Variants in SNX1 observed in about 807,000 individuals in gnomAD.
SNX1 encodes sorting nexin-1.
SNX1 carries 36 observed loss-of-function variants against 71.8 expected under a neutral mutation model. That is an observed-to-expected ratio of 0.50 (90% CI 0.38 to 0.66). The LOEUF (loss-of-function observed/expected upper bound fraction) is 0.66. SNX1 is among the 30% of genes least tolerant of loss of function. The probability of loss-of-function intolerance (pLI) is 0.00; values close to 1 mark genes in which losing one functional copy is unlikely to be tolerated. For missense variants in SNX1, 612 were observed against 646.7 expected (o/e 0.95, Z 0.58); for synonymous variants, 254 against 240.7 (o/e 1.06, Z -0.51).
At position 64,138,115 on chromosome 15, in the gene SNX1, C is replaced by G. The variant is rs2081379533; in HGVS notation, c.*497C>G. The G allele has an allele frequency of 6.5e-7, 1 of 1,535,672 alleles. No individual in the cohort carries two copies. Among genetic ancestry groups the G allele is most frequent in the South Asian group, 1.2e-5 (1 of 84,042 alleles). On this transcript the variant is annotated 3_prime_UTR_variant, in exon 15 of 15. Transcript: ENST00000559844. ...TTGCCCAGGTATAGTAAGTTTTTCT[C>G]TACCGTTCACAAGTTTTGTGCTGCT...
intron 2 of SNX1, among the ~76,000 whole-genome samples, chr15:64,113,835 AAGAAAGAG>A (rs997344825): frequency 1.2e-4 from 18 of 150,968 alleles, no homozygotes; most frequent in East Asian, 3.9e-4. Context: ...TAAAGAAAGA[AAGAAAGAG>A]AGAGAGAGAG....
chr15:64,127,117 AG>A, intron 6 of SNX1, 56 bp from the exon 7 acceptor site: 1 of 1,352,430 alleles, frequency 7.4e-7, no homozygotes, highest in Non-Finnish European at 1.0e-6. Context: ...AAAAAAAAAA[AG>A]ATTTATCCTC....
intron 11 of SNX1, among the ~76,000 whole-genome samples, chr15:64,132,178 T>G (rs1263323219): frequency 6.6e-6 from 1 of 152,214 alleles, no homozygotes; most frequent in Non-Finnish European, 1.5e-5. Flanking sequence ...GGCCAGACAG[T>G]GTCTTCTGTG....
At position 64,138,059 on chromosome 15, in the gene SNX1, A is replaced by C; in HGVS notation, c.*441A>C. The C allele has an allele frequency of 6.5e-7, 1 of 1,529,332 alleles. No individual in the cohort carries two copies. Among genetic ancestry groups the C allele is most frequent in the African/African-American group, 1.4e-5 (1 of 72,822 alleles). 94.7% of individuals were successfully genotyped at this position (1,529,332 alleles called of 1,614,324 possible). On this transcript the variant is annotated 3_prime_UTR_variant, in exon 15 of 15. Coordinates refer to ENST00000559844, the MANE Select transcript of SNX1 (RefSeq NM_003099.5). Reference sequence around the variant, plus strand: ...TTGCTTAGGCTGGGGAGCAGTTGGGAATCAGGTCTGGAATACTCCTAACCA... The same window carrying C: ...TTGCTTAGGCTGGGGAGCAGTTGGGCATCAGGTCTGGAATACTCCTAACCA...
chr15:64,131,349 A>G (rs1260720866), intron 10 of SNX1, among the ~76,000 whole-genome samples: 1 of 152,178 alleles, frequency 6.6e-6, no homozygotes, highest in Non-Finnish European at 1.5e-5. Flanking sequence ...ACCACTCATG[A>G]GCTTCAACAT....
chr15:64,112,794 G>A, intron 2 of SNX1, 110 bp downstream of exon 2: 1 of 622,666 alleles, frequency 1.6e-6, no homozygotes, highest in Non-Finnish European at 2.7e-6. Flanking sequence ...ATAACTTTAT[G>A]TAAAGTACTT....
chr15:64,130,368 C>A (rs1299935353), intron 10 of SNX1, 47 bp downstream of exon 10: 2 of 1,486,544 alleles, frequency 1.3e-6, no homozygotes, highest in East Asian at 2.3e-5. Context: ...ATTGTTGTCT[C>A]TAGTGAACTG....
chr15:64,142,365 T>G lies in SNX1; in HGVS notation c.*4747T>G. On this transcript the variant is annotated 3_prime_UTR_variant, in exon 15 of 15. Transcript: ENST00000559844. The stretch of plus-strand genomic sequence containing the variant: ...AGCTCTGGATGGGAAGGGAGGCCAG[T>G]TGCTTTAAGTAGGGGAGATAGAGTT... 1 of 223,934 alleles carries G rather than the reference T, an allele frequency of 4.5e-6. No individual in the cohort carries two copies. The highest frequency in any genetic ancestry group is 9.1e-6 in the Non-Finnish European group (1 of 110,380). The allele number at this position is 223,934 out of a possible 1,614,324, so 13.9% of individuals were successfully genotyped here.
chr15:64,105,956 G>A (rs964418866), intron 1 of SNX1, among the ~76,000 whole-genome samples: 1 of 152,024 alleles, frequency 6.6e-6, no homozygotes, highest in Admixed American at 6.6e-5. Context: ...CACATCCCCA[G>A]AATAATGTTT....
chr15:64,131,918 CCTT>C (rs772169903), intron 11 of SNX1, 26 bp downstream of exon 11: 1 of 1,607,352 alleles, frequency 6.2e-7, no homozygotes, highest in Non-Finnish European at 8.5e-7. Flanking sequence ...CTTTTCTCCT[CCTT>C]CCCTTGATTT....
At chr15:64,124,060 G>A (rs757759784) in intron 5 of SNX1, among the ~76,000 whole-genome samples, 1 of 150,228 alleles carries the variant, frequency 6.7e-6, no homozygotes, top group African/African-American at 2.5e-5. Context: ...ATCCACCTGC[G>A]TGTTTTTCCA....
chr15:64,113,806 G>A (rs1398621303), intron 2 of SNX1, among the ~76,000 whole-genome samples: 1 of 150,570 alleles, frequency 6.6e-6, no homozygotes, highest in Non-Finnish European at 1.5e-5. Flanking sequence ...GGGTGACAGA[G>A]CAAGACTCCA....
At chr15:64,115,695 C>G (rs974896947) in intron 2 of SNX1, 1 of 217,976 alleles carries the variant, frequency 4.6e-6, no homozygotes, top group Admixed American at 5.9e-5. Flanking sequence ...TTCTGAGTAG[C>G]TAGGACCACA....
Position 64,137,978 on chromosome 15 carries a change from G to A in SNX1, c.*360G>A, listed in dbSNP as rs780397247. ...TTACTCCTGATGGTGCCATGAAAAG[G>A]TTATGTAATAAAATATTTTAAAATC... On this transcript the variant is annotated 3_prime_UTR_variant, in exon 15 of 15. Transcript: ENST00000559844. 33 of 1,459,332 alleles carry A rather than the reference G, an allele frequency of 2.3e-5. No homozygotes were observed. Among genetic ancestry groups the A allele is most frequent in the Middle Eastern group, 1.9e-4 (1 of 5,172 alleles). The allele number at this position is 1,459,332 out of a possible 1,614,324, so 90.4% of individuals were successfully genotyped here.
In SNX1 at chr15:64,126,102, C is replaced by G; in HGVS notation, c.534C>G (p.Ser178Arg). ...TTQTSLPLFR[S>R]KQFAVKRRFS... ...AGACAAGCTTACCATTGTTCAGAAGCAAACAGTTTGCAGTAAAAAGAAGAT... is the reference window on the plus strand; with the variant it reads ...AGACAAGCTTACCATTGTTCAGAAGGAAACAGTTTGCAGTAAAAAGAAGAT... The change falls in exon 6 of 15, where the codon AGC becomes AGG. Residue 178 changes from serine to arginine, a missense_variant. Around this residue, in one of 2 missense-constraint regions of SNX1, gnomAD observed 316 missense variants for 284.9 expected, o/e 1.11. Coordinates refer to ENST00000559844, the MANE Select transcript of SNX1 (RefSeq NM_003099.5). 6.2e-7 allele frequency: 1 copy of G among 1,614,130 alleles called. No individual in the cohort carries two copies. Among genetic ancestry groups the G allele is most frequent in the South Asian group, 1.1e-5 (1 of 91,080 alleles).
At chr15:64,131,392 T>C (rs1389731429) in intron 10 of SNX1, among the ~76,000 whole-genome samples, 1 of 152,184 alleles carries the variant, frequency 6.6e-6, no homozygotes, top group Non-Finnish European at 1.5e-5. Flanking sequence ...GCCTGTTTGT[T>C]ATTTAACAAC....
At chr15:64,118,763 C>G (rs781434785) in intron 3 of SNX1, 25 bp from the exon 4 acceptor site, 4 of 1,586,344 alleles carry the variant, frequency 2.5e-6, no homozygotes, top group Non-Finnish European at 2.6e-6. Context: ...TATCAACTCT[C>G]ATGATTTGTC....
At chr15:64,103,027 G>C in intron 1 of SNX1, among the ~76,000 whole-genome samples, 1 of 151,910 alleles carries the variant, frequency 6.6e-6, no homozygotes. Context: ...TTGGCCTCCC[G>C]AAGTGTTGGG....
Position 64,138,380 on chromosome 15 carries a change from T to C in SNX1, c.*762T>C, listed in dbSNP as rs2081383525. ...TTAAGCAAGAGCCTTTCTCTTTTAT[T>C]CTTCCTGCTTCCCTAAGCTGCTCAG... On this transcript the variant is annotated 3_prime_UTR_variant, in exon 15 of 15. Coordinates refer to ENST00000559844, the MANE Select transcript of SNX1 (RefSeq NM_003099.5). The C allele has an allele frequency of 5.4e-6, 3 of 556,754 alleles. No individual in the cohort carries two copies. The African/African-American group carries it at 5.7e-5, about 11-fold the overall frequency. 34.5% of individuals were successfully genotyped at this position (556,754 alleles called of 1,614,324 possible).
Sources: allele counts gnomAD v4.1 joint callset (sites outside exome capture counted in the v4.1 genomes callset), GRCh38; gene constraint gnomAD v4.1.1; regional missense constraint gnomAD v4.1.1; transcripts MANE v1.5; gene names NCBI Gene and HGNC (gene_info 2026-07-23, HGNC 2026-07-21).